Variants in AP2S1 observed in about 807,000 individuals in gnomAD.
The protein encoded by AP2S1 is adaptor related protein complex 2 subunit sigma 1, also known as AP-2 complex subunit sigma.
In AP2S1, 6 loss-of-function variants were observed where a neutral mutation model predicts 21.0. The observed-to-expected ratio is 0.29, with a 90% confidence interval of 0.16 to 0.56. The LOEUF (loss-of-function observed/expected upper bound fraction) is 0.56. Among genes scored for constraint, AP2S1 ranks in the 20% least tolerant of loss-of-function variants. AP2S1 has a pLI of 0.92. For missense variants in AP2S1, 60 were observed against 186.2 expected (o/e 0.32, Z 3.95); for synonymous variants, 63 against 74.6 (o/e 0.84, Z 0.80).
In AP2S1 at chr19:46,850,110, A is replaced by C. The variant is rs942271702; in HGVS notation, c.3+654T>G. 6.5e-6 allele frequency: 8 copies of C among 1,229,162 alleles called. No individual in the cohort carries two copies. In the African/African-American group the frequency reaches 1.2e-4, roughly 19 times the overall value. 76.1% of individuals were successfully genotyped at this position (1,229,162 alleles called of 1,614,324 possible). A position where few individuals can be genotyped will look rare whatever the true frequency, so the allele number is the denominator to read the frequency against. ...GGAAAGACCTATTCAGTTGCTCCCCATTCTTTCCGAGTGTCCATCTTACCT... is the reference window on the plus strand; with the variant it reads ...GGAAAGACCTATTCAGTTGCTCCCCCTTCTTTCCGAGTGTCCATCTTACCT... On this transcript the variant is annotated intron_variant, in intron 1 of 4. Transcript: ENST00000263270.
intron 2 of AP2S1, among the ~76,000 whole-genome samples, chr19:46,845,413 GTAATTAATTAAT>G (rs112340362): frequency 1.7e-3 from 260 of 149,302 alleles, no homozygotes; most frequent in Middle Eastern, 0.017. Context: ...CTCAAAAAAA[GTAATTAATTAAT>G]TAATTAATTA....
In AP2S1 at chr19:46,838,397, G is replaced by C. The variant is rs1317573328; in HGVS notation, c.*50C>G. 5.1e-6 allele frequency: 8 copies of C among 1,578,058 alleles called. No homozygotes were observed. In the African/African-American group the frequency reaches 1.1e-4, roughly 21 times the overall value. ...GGCCACGGGCCTGGGAAGGGGAAGC[G>C]AGCAGGCGAGTCCAGGAGGGGCCGG... is the stretch of plus-strand genomic sequence containing the variant. On this transcript the variant is annotated 3_prime_UTR_variant, in exon 5 of 5. Coordinates refer to ENST00000263270, the MANE Select transcript of AP2S1 (RefSeq NM_004069.6). This position sits in a 1 kb window ranked among gnomAD's most constrained non-coding sequence, Gnocchi z 4.1.
chr19:46,841,548 C>CCCCTG (rs2055521063), intron 2 of AP2S1, among the ~76,000 whole-genome samples: 1 of 152,224 alleles, frequency 6.6e-6, no homozygotes. Context: ...CACTGCCCCA[C>CCCCTG]CCCTGCCCTG....
At position 46,846,162 on chromosome 19, in the gene AP2S1, A is replaced by T. The variant is rs749113308; in HGVS notation, c.4-20T>A. On this transcript the variant is annotated intron_variant, in intron 1 of 4. Transcript: ENST00000263270. ...GCGGATCTGGGGGCAGCAGGAGGAG[A>T]AGGAGGAAGTGAGAGAGGCAGAGAG... 3 of 1,613,474 alleles carry T rather than the reference A, an allele frequency of 1.9e-6. No homozygotes were observed. The highest frequency in any genetic ancestry group is 2.5e-6 in the Non-Finnish European group (3 of 1,179,722).
intron 2 of AP2S1, among the ~76,000 whole-genome samples, chr19:46,845,339 G>C (rs1449356526): frequency 6.6e-6 from 1 of 150,834 alleles, no homozygotes; most frequent in Non-Finnish European, 1.5e-5. Context: ...CTGGGAGGTG[G>C]AGGTTGCAGT....
chr19:46,838,519 C>G lies in AP2S1; in HGVS notation c.357G>C (p.Leu119=). Reference sequence around the variant, plus strand: ...GGCTGGTCTCTCGGATTTCGCCAGCCAGGAACATCTCGTCCACGACCGTGT... The same window carrying G: ...GGCTGGTCTCTCGGATTTCGCCAGCGAGGAACATCTCGTCCACGACCGTGT... ...KVYTVVDEMF[L]AGEIRETSQT... The change falls in exon 5 of 5, where the codon CTG becomes CTC. Residue 119 remains leucine (L), a synonymous_variant. Coordinates refer to ENST00000263270, the MANE Select transcript of AP2S1 (RefSeq NM_004069.6). The surrounding 1 kb of genome is among the most constrained non-coding windows in gnomAD (Gnocchi z 4.1). The G allele has an allele frequency of 6.2e-7, 1 of 1,614,218 alleles. No individual in the cohort carries two copies. Among genetic ancestry groups the G allele is most frequent in the South Asian group, 1.1e-5 (1 of 91,090 alleles).
At chr19:46,842,324 G>C (rs573870541) in intron 2 of AP2S1, among the ~76,000 whole-genome samples, 1 of 151,984 alleles carries the variant, frequency 6.6e-6, no homozygotes, top group Non-Finnish European at 1.5e-5. Context: ...CAGGCTCCTC[G>C]ATCCCAGCCC....
intron 2 of AP2S1, among the ~76,000 whole-genome samples, chr19:46,842,982 G>T (rs776848640): frequency 6.6e-6 from 1 of 152,076 alleles, no homozygotes; most frequent in Non-Finnish European, 1.5e-5. Flanking sequence ...CAAGAACCCT[G>T]ACTCGTCACT....
intron 1 of AP2S1, chr19:46,850,346 T>C (rs2055716185): frequency 2.4e-6 from 3 of 1,242,520 alleles, no homozygotes; most frequent in South Asian, 7.2e-5. Flanking sequence ...TCCCTCCCCT[T>C]TTCCAAGGTC....
intron 1 of AP2S1, among the ~76,000 whole-genome samples, chr19:46,848,519 G>T (rs1480440223): frequency 6.6e-6 from 1 of 152,190 alleles, no homozygotes; most frequent in Non-Finnish European, 1.5e-5. Context: ...TACTCCATTA[G>T]AAGTTCTGGG....
At chr19:46,843,837 G>C (rs969367446) in intron 2 of AP2S1, among the ~76,000 whole-genome samples, 1 of 152,158 alleles carries the variant, frequency 6.6e-6, no homozygotes, top group Non-Finnish European at 1.5e-5. Context: ...ACAGTGAGCT[G>C]TAATTGCACC....
intron 2 of AP2S1, among the ~76,000 whole-genome samples, chr19:46,843,177 C>T (rs766979633): frequency 1.3e-5 from 2 of 152,172 alleles, no homozygotes; most frequent in African/African-American, 4.8e-5. Context: ...CTCTCACATT[C>T]CACATCCAAT....
intron 1 of AP2S1, among the ~76,000 whole-genome samples, chr19:46,849,213 C>T (rs1447429473): frequency 1.4e-5 from 2 of 145,490 alleles, no homozygotes; most frequent in East Asian, 2.1e-4. Flanking sequence ...ACCACGTTGG[C>T]CAGGCTGGTC....
chr19:46,850,319 C>T (rs1406529963), intron 1 of AP2S1: 1 of 1,243,088 alleles, frequency 8.0e-7, no homozygotes, highest in African/African-American at 1.6e-5. Flanking sequence ...CTAGAGACTC[C>T]TCCCATCAAG....
intron 1 of AP2S1, chr19:46,850,459 G>C (rs917163068): frequency 2.7e-6 from 2 of 730,086 alleles, no homozygotes; most frequent in African/African-American, 3.7e-5. Flanking sequence ...ACAAGACTGT[G>C]TCTCACGAGT....
In AP2S1 at chr19:46,838,994, A is replaced by T. The variant is rs1057298131; in HGVS notation, c.268-195T>A. Among the ~76,000 whole-genome samples, 3 of 152,002 alleles carry T rather than the reference A, an allele frequency of 2.0e-5. No individual in the cohort carries two copies. Among genetic ancestry groups the T allele is most frequent in the African/African-American group, 7.2e-5 (3 of 41,380 alleles). ...AACAAAAGCAAAGATCGATGCAAAGAGATGGCAAAAGGTCAGGCGCGGTGG... is the reference window on the plus strand; with the variant it reads ...AACAAAAGCAAAGATCGATGCAAAGTGATGGCAAAAGGTCAGGCGCGGTGG... On this transcript the variant is annotated intron_variant, in intron 3 of 4. Coordinates refer to ENST00000263270, the MANE Select transcript of AP2S1 (RefSeq NM_004069.6). The surrounding 1 kb of genome is among the most constrained non-coding windows in gnomAD (Gnocchi z 4.1).
At chr19:46,842,116 G>A (rs1188441484) in intron 2 of AP2S1, among the ~76,000 whole-genome samples, 1 of 151,846 alleles carries the variant, frequency 6.6e-6, no homozygotes, top group African/African-American at 2.4e-5. Flanking sequence ...GGGAGGCGGA[G>A]GCTGCAGTGA....
intron 2 of AP2S1, among the ~76,000 whole-genome samples, chr19:46,841,079 GAGT>G (rs1163442626): frequency 6.6e-5 from 10 of 151,954 alleles, no homozygotes; most frequent in African/African-American, 2.4e-4. Flanking sequence ...TCAGCCTCCT[GAGT>G]AGCTAGGAAT....
intron 1 of AP2S1, 59 bp downstream of exon 1, chr19:46,850,705 C>T (rs2055723195): frequency 1.6e-5 from 23 of 1,420,138 alleles, no homozygotes; most frequent in Non-Finnish European, 2.2e-5. Context: ...GATCCAGCCT[C>T]GGCTATTTAC....
Sources: allele counts gnomAD v4.1 joint callset (sites outside exome capture counted in the v4.1 genomes callset), GRCh38; gene constraint gnomAD v4.1.1; non-coding constraint Gnocchi (gnomAD v3.1); transcripts MANE v1.5; gene names NCBI Gene and HGNC (gene_info 2026-07-23, HGNC 2026-07-21).